The following SLC25A21 variants were observed in gnomAD, a reference collection of about 807,000 sequenced individuals.
SLC25A21 encodes mitochondrial 2-oxodicarboxylate carrier.
A neutral mutation model predicts 43.8 loss-of-function variants in SLC25A21; 47 were observed. That is an observed-to-expected ratio of 1.07 (90% confidence interval 0.85 to 1.37). The LOEUF is 1.37. Ranked by LOEUF, SLC25A21 falls within the 40% of genes most tolerant of loss-of-function variation. The probability of loss-of-function intolerance (pLI) is 0.00; values close to 1 mark genes in which losing one functional copy is unlikely to be tolerated. For synonymous variants in SLC25A21, 131 were observed against 121.3 expected, an observed-to-expected ratio of 1.08 and a Z score of -0.52; for missense variants, 352 against 350.2, an observed-to-expected ratio of 1.00 and a Z score of -0.04.
intron 2 of SLC25A21, among the ~76,000 whole-genome samples, chr14:36,856,868 T>C (rs1000475746): frequency 3.2e-4 from 49 of 152,292 alleles, no homozygotes; most frequent in African/African-American, 1.1e-3. Flanking sequence ...AGAGCTATGG[T>C]TGACATGAAT....
chr14:37,092,700 C>T (rs577300257), intron 1 of SLC25A21, among the ~76,000 whole-genome samples: 36 of 151,870 alleles, frequency 2.4e-4, no homozygotes, highest in South Asian at 2.1e-3. Context: ...GAAAGTGGGG[C>T]GGAAAAACAA....
At chr14:36,904,228 T>C (rs539534619) in intron 1 of SLC25A21, among the ~76,000 whole-genome samples, 5 of 152,322 alleles carry the variant, frequency 3.3e-5, no homozygotes, top group East Asian at 3.9e-4. Context: ...CGTAAGTCAA[T>C]AGATATGGAG....
At chr14:37,104,807 C>G (rs937995978) in intron 1 of SLC25A21, among the ~76,000 whole-genome samples, 8 of 152,316 alleles carry the variant, frequency 5.3e-5, no homozygotes, top group African/African-American at 1.7e-4. Flanking sequence ...GAGCTGTGTT[C>G]TTAACCATTA....
At chr14:37,161,894 C>T (rs902962009) in intron 1 of SLC25A21, among the ~76,000 whole-genome samples, 6 of 131,332 alleles carry the variant, frequency 4.6e-5, no homozygotes, top group Admixed American at 1.9e-4. Context: ...ACCCGGGAGG[C>T]GGAGCTTGCA....
intron 2 of SLC25A21, among the ~76,000 whole-genome samples, chr14:36,856,765 T>C (rs544681313): frequency 1.3e-5 from 2 of 152,190 alleles, no homozygotes; most frequent in South Asian, 2.1e-4. Context: ...CTGGGCTTGA[T>C]TGTGGGGTGG....
At chr14:37,087,860 AAC>A (rs1962514851) in intron 1 of SLC25A21, among the ~76,000 whole-genome samples, 1 of 152,180 alleles carries the variant, frequency 6.6e-6, no homozygotes, top group African/African-American at 2.4e-5. Flanking sequence ...TATTGCAAGA[AAC>A]ACACACACCA....
rs535255267 is a variant in SLC25A21, at chr14:37,044,962, G to T, written c.70+127319C>A. ...TTTTCTCTTTTCAAAATATTTTAGTGGTGATCAATATACATATAAATGTAA... is the reference window on the plus strand; with the variant it reads ...TTTTCTCTTTTCAAAATATTTTAGTTGTGATCAATATACATATAAATGTAA... On this transcript the variant is annotated intron_variant, in intron 1 of 9. Coordinates refer to ENST00000331299, the MANE Select transcript of SLC25A21 (RefSeq NM_030631.4). Among the ~76,000 whole-genome samples, 348 of 152,220 alleles carry T rather than the reference G, an allele frequency of 2.3e-3. 2 individuals carry two copies. The highest frequency in any genetic ancestry group is 7.8e-3 in the African/African-American group (326 of 41,544).
chr14:36,863,336 T>C (rs536049805), intron 2 of SLC25A21, among the ~76,000 whole-genome samples: 1 of 151,742 alleles, frequency 6.6e-6, no homozygotes, highest in Admixed American at 6.6e-5. Flanking sequence ...TCTAAGACCA[T>C]TTAATTAGTC....
At chr14:36,934,455 T>A (rs1892368176) in intron 1 of SLC25A21, among the ~76,000 whole-genome samples, 2 of 128,998 alleles carry the variant, frequency 1.6e-5, no homozygotes, top group South Asian at 5.0e-4. Context: ...CCTGTGTCTG[T>A]TTTATCTTGG....
chr14:36,953,649 G>A (rs1959249857), intron 1 of SLC25A21, among the ~76,000 whole-genome samples: 1 of 152,052 alleles, frequency 6.6e-6, no homozygotes, highest in Admixed American at 6.6e-5. Context: ...ACTCATTTTG[G>A]CACAAAGTTT....
chr14:36,865,884 T>C (rs1890199718), intron 2 of SLC25A21, among the ~76,000 whole-genome samples: 2 of 146,502 alleles, frequency 1.4e-5, no homozygotes, highest in South Asian at 4.7e-4. Context: ...TTTCAACTCA[T>C]GTGAGTCTTC....
intron 2 of SLC25A21, among the ~76,000 whole-genome samples, chr14:36,853,840 T>TTA (rs1889817580): frequency 6.6e-6 from 1 of 152,208 alleles, no homozygotes; most frequent in Non-Finnish European, 1.5e-5. Context: ...TGCTGCATTA[T>TTA]GCATCCAGTG....
chr14:36,982,945 T>A (rs1252041432), intron 1 of SLC25A21, among the ~76,000 whole-genome samples: 1 of 152,202 alleles, frequency 6.6e-6, no homozygotes, highest in Admixed American at 6.5e-5. Flanking sequence ...TTCCCAAGCC[T>A]AAATTAAAGA....
At chr14:36,931,912 T>C (rs966388070) in intron 1 of SLC25A21, among the ~76,000 whole-genome samples, 1 of 152,136 alleles carries the variant, frequency 6.6e-6, no homozygotes, top group Non-Finnish European at 1.5e-5. Context: ...CATAATGAAC[T>C]TTGAGCTAGA....
At chr14:37,097,520 A>G (rs1652145876) in intron 1 of SLC25A21, among the ~76,000 whole-genome samples, 1 of 152,148 alleles carries the variant, frequency 6.6e-6, no homozygotes, top group South Asian at 2.1e-4. Context: ...TATTCTCAGG[A>G]AAAACACCCT....
chr14:37,148,574 C>T (rs998295462), intron 1 of SLC25A21, among the ~76,000 whole-genome samples: 6 of 152,184 alleles, frequency 3.9e-5, no homozygotes, highest in Non-Finnish European at 8.8e-5. Context: ...TTACTTCTGC[C>T]ATATTTCTAT....
At position 36,679,595 on chromosome 14, in the gene SLC25A21, T is replaced by TAAG. The variant is rs1555318169; in HGVS notation, c.*1060_*1062dup. On this transcript the variant is annotated 3_prime_UTR_variant, in exon 10 of 10. Transcript: ENST00000331299. ...TTAGTATAGTAATCCTTAGAAATGC[T>TAAG]AAGTGTATTTCTTTTTCAGAACATT... is the stretch of plus-strand genomic sequence containing the variant. The TAAG allele has an allele frequency of 1.1e-5, 11 of 985,282 alleles. No homozygotes were observed. The highest frequency in any genetic ancestry group is 1.7e-5 in the African/African-American group (1 of 57,252). The allele number at this position is 985,282 out of a possible 1,614,324, so 61.0% of individuals were successfully genotyped here.
intron 7 of SLC25A21, among the ~76,000 whole-genome samples, chr14:36,706,207 C>T (rs1014552015): frequency 2.0e-5 from 3 of 152,222 alleles, no homozygotes; most frequent in African/African-American, 7.2e-5. Flanking sequence ...ACGAGCTCCA[C>T]TACTCCTTCC....
intron 1 of SLC25A21, among the ~76,000 whole-genome samples, chr14:37,036,903 G>A (rs899642530): frequency 6.6e-6 from 1 of 152,206 alleles, no homozygotes; most frequent in African/African-American, 2.4e-5. Context: ...GTTCTTGTGT[G>A]AGTGTTTAGT....
Sources: allele counts gnomAD v4.1 joint callset (sites outside exome capture counted in the v4.1 genomes callset), GRCh38; gene constraint gnomAD v4.1.1; transcripts MANE v1.5; gene names NCBI Gene and HGNC (gene_info 2026-07-23, HGNC 2026-07-21).